Variants in KMT2C observed in about 807,000 individuals in gnomAD.
The protein encoded by KMT2C is histone-lysine N-methyltransferase 2C.
A neutral mutation model predicts 507.9 loss-of-function variants in KMT2C; 88 were observed. The ratio of observed to expected loss-of-function variants is 0.17; its 90% CI spans 0.15 to 0.21. KMT2C has a LOEUF of 0.21. Ranked by LOEUF, KMT2C falls within the 10% of genes least tolerant of loss-of-function variation. The pLI, the probability that KMT2C is intolerant of heterozygous loss-of-function variation, is 1.00. For missense variants in KMT2C, 4,954 were observed against 5,957.8 expected (o/e 0.83, Z 5.55); for synonymous variants, 2,049 against 2,080.8 (o/e 0.98, Z 0.42).
chr7:152,181,699 T>C lies in KMT2C; in HGVS notation c.6161A>G (p.Gln2054Arg). ...KTPMQPPPSS[Q>R]DPYGSVSQAS... ...CTGTGACACTGATCCATAAGGATCC[T>C]GAGAGGATGGAGGAGGTTGCATTGG... The change falls in exon 36 of 59, where the codon CAG becomes CGG. Residue 2054 changes from glutamine to arginine, a missense_variant. Coordinates refer to ENST00000262189, the MANE Select transcript of KMT2C (RefSeq NM_170606.3). The C allele has an allele frequency of 6.2e-7, 1 of 1,614,134 alleles. No homozygotes were observed. Among genetic ancestry groups the C allele is most frequent in the Non-Finnish European group, 8.5e-7 (1 of 1,180,020 alleles).
At chr7:152,296,429 T>C (rs1175552869) in intron 6 of KMT2C, among the ~76,000 whole-genome samples, 2 of 135,910 alleles carry the variant, frequency 1.5e-5, no homozygotes. Flanking sequence ...CGAAACTCCA[T>C]CTCAAAAAAA....
intron 23 of KMT2C, among the ~76,000 whole-genome samples, chr7:152,208,884 G>A (rs1381703172): frequency 1.3e-5 from 2 of 152,168 alleles, no homozygotes; most frequent in African/African-American, 2.4e-5. Flanking sequence ...AAAGTTTATA[G>A]GCCAGGCACG....
rs2095840863 is a variant in KMT2C, at chr7:152,265,048, G to GGCT, written c.1173_1174insAGC (p.Cys391_Gln392insSer). 6.2e-7 allele frequency: 1 copy of GGCT among 1,613,496 alleles called. No individual in the cohort carries two copies. The highest frequency in any genetic ancestry group is 1.7e-5 in the Admixed American group (1 of 59,996). ...GAAATGAAAACTTACTTGCAGTTCT[G>GGCT]GCACACTTTGCACTCAGGACATTGC... On this transcript the variant is annotated inframe_insertion, in exon 8 of 59. Coordinates refer to ENST00000262189, the MANE Select transcript of KMT2C (RefSeq NM_170606.3).
chr7:152,431,743 T>C (rs952758267), intron 1 of KMT2C, among the ~76,000 whole-genome samples: 3 of 151,962 alleles, frequency 2.0e-5, no homozygotes, highest in Non-Finnish European at 4.4e-5. Context: ...TCAGTGCCTA[T>C]TGAGTCCCAG....
At chr7:152,266,796 G>C (rs185516296) in intron 7 of KMT2C, among the ~76,000 whole-genome samples, 1 of 152,362 alleles carries the variant, frequency 6.6e-6, no homozygotes, top group South Asian at 2.1e-4. Context: ...ATAATTCCTC[G>C]CTTGAGGGCA....
chr7:152,215,242 G>A (rs996636260), intron 23 of KMT2C, among the ~76,000 whole-genome samples: 9 of 151,874 alleles, frequency 5.9e-5, no homozygotes, highest in South Asian at 2.1e-4. Context: ...AGCCGAGCGC[G>A]GTGGCTCACA....
chr7:152,156,053 G>A lies in KMT2C; in HGVS notation c.11817C>T (p.Thr3939=), dbSNP rs2092024298. The change falls in exon 46 of 59, where the codon ACC becomes ACT. Residue 3939 remains threonine, a synonymous_variant. Transcript: ENST00000262189. ...GAAATGGTTTAGGTCCTAGAGTTTT[G>A]GTAACTGGAAAAGCAAAAACACAAA... is the stretch of plus-strand genomic sequence containing the variant. The part of the protein sequence containing the change: ...KAGVLVSHEV[T]KTLGPKPFQL... The A allele has an allele frequency of 6.3e-7, 1 of 1,596,808 alleles. No homozygotes were observed. The highest frequency in any genetic ancestry group is 8.5e-7 in the Non-Finnish European group (1 of 1,174,048).
intron 1 of KMT2C, among the ~76,000 whole-genome samples, chr7:152,396,800 A>C (rs1035526804): frequency 1.3e-4 from 20 of 152,212 alleles, no homozygotes; most frequent in African/African-American, 3.4e-4. Context: ...GGGGAATCCA[A>C]GCCAACACCT....
chr7:152,317,095 G>T (rs1347242291), intron 3 of KMT2C, among the ~76,000 whole-genome samples: 1 of 152,104 alleles, frequency 6.6e-6, no homozygotes, highest in Non-Finnish European at 1.5e-5. Flanking sequence ...ATATTTTAAA[G>T]CTATTGCAGA....
chr7:152,179,776 A>G (rs1486642276), intron 37 of KMT2C, 58 bp downstream of exon 37: 4 of 1,510,542 alleles, frequency 2.6e-6, no homozygotes, highest in Non-Finnish European at 3.7e-6. Context: ...CACCACACCC[A>G]GCTCTGTTTC....
intron 1 of KMT2C, among the ~76,000 whole-genome samples, chr7:152,393,159 T>C (rs2097513239): frequency 6.6e-6 from 1 of 152,130 alleles, no homozygotes; most frequent in African/African-American, 2.4e-5. Flanking sequence ...CACATGATAG[T>C]TTTATAAAGA....
chr7:152,148,649 C>T lies in KMT2C; in HGVS notation c.13278G>A (p.Leu4426=). 1 of 1,614,218 alleles carries T rather than the reference C, an allele frequency of 6.2e-7. No homozygotes were observed. The highest frequency in any genetic ancestry group is 8.5e-7 in the Non-Finnish European group (1 of 1,180,034). Residue 4426 remains leucine, a synonymous_variant, in exon 52 of 59, where the codon CTG becomes CTA. Transcript: ENST00000262189. This position sits in a 1 kb window ranked among gnomAD's most constrained non-coding sequence, Gnocchi z 7.1. The part of the protein sequence containing the change: ...PARLLNLDLD[L]WVHLNCALWS... ...ACAGAGCGCAGTTCAAGTGGACCCA[C>T]AGATCCAAGTCAAGGTTGAGTAGCC...
intron 16 of KMT2C, among the ~76,000 whole-genome samples, chr7:152,231,292 A>G (rs1471601443): frequency 7.9e-5 from 12 of 152,236 alleles, no homozygotes; most frequent in Non-Finnish European, 1.3e-4. Flanking sequence ...TAGAGTGATT[A>G]TGAAACAAAA....
intron 1 of KMT2C, among the ~76,000 whole-genome samples, chr7:152,421,650 A>G (rs527677153): frequency 1.3e-5 from 2 of 152,338 alleles, no homozygotes; most frequent in East Asian, 3.9e-4. Flanking sequence ...AAAGCCAAAT[A>G]CTGTGTGTTC....
chr7:152,156,688 A>G (rs1165892256), intron 44 of KMT2C, among the ~76,000 whole-genome samples: 1 of 152,218 alleles, frequency 6.6e-6, no homozygotes, highest in African/African-American at 2.4e-5. Context: ...AAATGCAATC[A>G]AGAAATTGCA....
At chr7:152,317,856 AGAG>A (rs1290507410) in intron 3 of KMT2C, among the ~76,000 whole-genome samples, 1 of 152,108 alleles carries the variant, frequency 6.6e-6, no homozygotes, top group Non-Finnish European at 1.5e-5. Flanking sequence ...AAAAAGAAAA[AGAG>A]GATGGGCATG....
In KMT2C at chr7:152,183,030, T is replaced by A; in HGVS notation, c.5209A>T (p.Lys1737Ter). 1 of 1,609,938 alleles carries A rather than the reference T, an allele frequency of 6.2e-7. No individual in the cohort carries two copies. The highest frequency in any genetic ancestry group is 8.5e-7 in the Non-Finnish European group (1 of 1,178,756). Residue 1737 changes from lysine (K) to a stop codon, truncating the protein, a stop_gained, in exon 35 of 59, where the codon AAA (lysine) becomes TAA (stop). Coordinates refer to ENST00000262189, the MANE Select transcript of KMT2C (RefSeq NM_170606.3). LOFTEE classifies it high-confidence loss of function. ...GATTCTCTTTGCTTTAAAGGATCTT[T>A]AAAAAGCTCCGAATCAATACGAGAG... The part of the protein sequence containing the change: ...PSSRIDSELF[K>*]DPLKQRESEH...
At chr7:152,215,993 G>A (rs2094573621) in intron 23 of KMT2C, among the ~76,000 whole-genome samples, 1 of 152,128 alleles carries the variant, frequency 6.6e-6, no homozygotes, top group South Asian at 2.1e-4. Flanking sequence ...TTCACCAGAT[G>A]GATAGTCTAC....
chr7:152,302,207 T>A (rs1390114197), intron 6 of KMT2C, among the ~76,000 whole-genome samples: 1 of 152,042 alleles, frequency 6.6e-6, no homozygotes. Context: ...ACAACAGAAG[T>A]ATTTTTTTAA....
Sources: allele counts gnomAD v4.1 joint callset (sites outside exome capture counted in the v4.1 genomes callset), GRCh38; gene constraint gnomAD v4.1.1; non-coding constraint Gnocchi (gnomAD v3.1); transcripts MANE v1.5; gene names NCBI Gene and HGNC (gene_info 2026-07-23, HGNC 2026-07-21).